SIM1: variants seen among roughly 807,000 people sequenced by gnomAD.
SIM1 encodes the protein SIM bHLH transcription factor 1.
SIM1 carries 18 observed loss-of-function variants against 78.2 expected under a neutral mutation model. The ratio of observed to expected loss-of-function variants is 0.23; its 90% CI spans 0.16 to 0.34. The LOEUF (loss-of-function observed/expected upper bound fraction) is 0.34. Ranked by LOEUF, SIM1 falls within the 10% of genes least tolerant of loss-of-function variation. SIM1 has a pLI of 1.00. For synonymous variants in SIM1, 417 were observed against 385.2 expected, an observed-to-expected ratio of 1.08 and a Z score of -0.97; for missense variants, 939 against 975.1, an observed-to-expected ratio of 0.96 and a Z score of 0.49.
intron 10 of SIM1, among the ~76,000 whole-genome samples, chr6:100,402,118 G>A (rs569889609): frequency 1.3e-5 from 2 of 152,232 alleles, no homozygotes; most frequent in South Asian, 2.1e-4. Context: ...AATACAAATG[G>A]TACAGATATG....
chr6:100,451,541 T>G (rs1410702592), intron 3 of SIM1, among the ~76,000 whole-genome samples: 1 of 152,178 alleles, frequency 6.6e-6, no homozygotes, highest in Non-Finnish European at 1.5e-5. Flanking sequence ...TTTAATTTTA[T>G]TTTGTTTTGC....
At chr6:100,436,011 G>A (rs2895004) in intron 9 of SIM1, among the ~76,000 whole-genome samples, 8 of 129,466 alleles carry the variant, frequency 6.2e-5, no homozygotes, top group African/African-American at 1.9e-4. Flanking sequence ...CACACACACA[G>A]ACACACACAC....
rs1255130918 is a variant in SIM1 at position 100,393,773 on chromosome 6, G to C, written c.1284C>G (p.Ser428=). The change falls in exon 11 of 12, where the codon TCC becomes TCG. Residue 428 remains serine (S), a synonymous_variant. Coordinates refer to ENST00000369208, the MANE Select transcript of SIM1 (RefSeq NM_005068.3). ...TGTAGGCGCACGATGCGTCGTGCTG[G>C]GAGCCAGGCCTATCGGCGGGGTCCA... ...QLLDPADRPG[S]QHDASCAYRQ... 4 of 1,614,162 alleles carry C rather than the reference G, an allele frequency of 2.5e-6. No individual in the cohort carries two copies. The highest frequency in any genetic ancestry group is 3.4e-6 in the Non-Finnish European group (4 of 1,179,988).
chr6:100,438,009 T>A (rs1022554104), intron 9 of SIM1, among the ~76,000 whole-genome samples: 3 of 152,072 alleles, frequency 2.0e-5, no homozygotes, highest in Admixed American at 6.6e-5. Context: ...AATTATAAAT[T>A]CTAGAAGATA....
intron 9 of SIM1, among the ~76,000 whole-genome samples, chr6:100,431,775 C>T (rs241816): frequency 0.59 from 89,541 of 151,986 alleles, 27,053 homozygotes; most frequent in South Asian, 0.76. Context: ...CTGGCCATGA[C>T]GAAGATGTCT....
intron 10 of SIM1, among the ~76,000 whole-genome samples, chr6:100,413,780 T>A (rs570427918): frequency 3.9e-5 from 6 of 152,338 alleles, no homozygotes; most frequent in African/African-American, 1.4e-4. Context: ...TATACTGTTG[T>A]GCTCCAAAGC....
At chr6:100,462,374 C>A (rs1437881190) in intron 2 of SIM1, among the ~76,000 whole-genome samples, 1 of 152,130 alleles carries the variant, frequency 6.6e-6, no homozygotes, top group Non-Finnish European at 1.5e-5. Flanking sequence ...TTATTTGAAT[C>A]CAAGTAAAGG....
At chr6:100,455,534 A>T (rs1289880451) in intron 2 of SIM1, among the ~76,000 whole-genome samples, 2 of 152,210 alleles carry the variant, frequency 1.3e-5, no homozygotes. Flanking sequence ...CGGCTCCGAC[A>T]TACCCACTCA....
intron 10 of SIM1, among the ~76,000 whole-genome samples, chr6:100,401,661 G>A (rs1770919608): frequency 6.6e-6 from 1 of 152,092 alleles, no homozygotes; most frequent in East Asian, 1.9e-4. Context: ...GGTGAACCTA[G>A]TGTACAATTA....
intron 2 of SIM1, among the ~76,000 whole-genome samples, chr6:100,457,887 G>C (rs1174750411): frequency 6.6e-6 from 1 of 152,210 alleles, no homozygotes; most frequent in East Asian, 1.9e-4. Context: ...GCAGTGCCCT[G>C]ATCTCTCCTG....
intron 10 of SIM1, among the ~76,000 whole-genome samples, chr6:100,402,319 G>A (rs557001235): frequency 1.2e-4 from 18 of 152,130 alleles, no homozygotes; most frequent in Middle Eastern, 3.4e-3. Context: ...ATTCCCAACT[G>A]CAGAAAGAAA....
At chr6:100,411,153 T>A (rs1326286667) in intron 10 of SIM1, among the ~76,000 whole-genome samples, 1 of 152,152 alleles carries the variant, frequency 6.6e-6, no homozygotes, top group Non-Finnish European at 1.5e-5. Context: ...GCTGAGCCCA[T>A]AAACAAACAT....
chr6:100,443,600 C>T (rs755887629), intron 9 of SIM1, among the ~76,000 whole-genome samples: 23 of 152,018 alleles, frequency 1.5e-4, no homozygotes, highest in Non-Finnish European at 2.8e-4. Flanking sequence ...GAGTACTTGA[C>T]GAACATTAGT....
At chr6:100,408,448 T>C (rs1311994071) in intron 10 of SIM1, among the ~76,000 whole-genome samples, 2 of 152,042 alleles carry the variant, frequency 1.3e-5, no homozygotes, top group African/African-American at 4.8e-5. Flanking sequence ...TCTTTTTTGG[T>C]CCTATATGAA....
intron 2 of SIM1, among the ~76,000 whole-genome samples, chr6:100,455,346 C>T (rs1772618675): frequency 6.6e-6 from 1 of 152,214 alleles, no homozygotes; most frequent in African/African-American, 2.4e-5. Context: ...CCGAGGTTTC[C>T]TCCCCGGAGT....
chr6:100,441,052 A>C (rs944793945), intron 9 of SIM1, among the ~76,000 whole-genome samples: 6 of 152,208 alleles, frequency 3.9e-5, no homozygotes, highest in Non-Finnish European at 7.3e-5. Flanking sequence ...TGTGAGTCAA[A>C]GATCAAAACC....
intron 10 of SIM1, among the ~76,000 whole-genome samples, chr6:100,398,218 C>T (rs916923519): frequency 6.6e-6 from 1 of 152,062 alleles, no homozygotes; most frequent in Non-Finnish European, 1.5e-5. Flanking sequence ...TAGCAGCTAC[C>T]TCCCTCCACT....
rs954724359 is a variant in SIM1, at chr6:100,385,341, C to A, written c.*5020G>T. On this transcript the variant is annotated 3_prime_UTR_variant, in exon 12 of 12. Coordinates refer to ENST00000369208, the MANE Select transcript of SIM1 (RefSeq NM_005068.3). ...AAAAAACAAATGTAAAATATTTTAT[C>A]TTTTTTGAAGTGTCTACTCATAATG... The A allele has an allele frequency of 6.6e-6, 1 of 151,772 alleles. No individual in the cohort carries two copies. The highest frequency in any genetic ancestry group is 6.6e-5 in the Admixed American group (1 of 15,216). 9.4% of individuals were successfully genotyped at this position (151,772 alleles called of 1,614,324 possible).
At chr6:100,464,110 T>C (rs1306745954) in intron 1 of SIM1, among the ~76,000 whole-genome samples, 175 bp from the exon 2 acceptor site, 1 of 152,140 alleles carries the variant, frequency 6.6e-6, no homozygotes, top group Non-Finnish European at 1.5e-5. Context: ...CTGCAAATAA[T>C]GCTGGCATTC....
Sources: gnomAD v4.1 joint callset for allele counts (sites outside exome capture counted in the v4.1 genomes callset) on GRCh38, gnomAD v4.1.1 for gene constraint, MANE v1.5 for transcripts, NCBI Gene and HGNC (gene_info 2026-07-23, HGNC 2026-07-21) for gene names.